Variants in ADGRG7 observed in about 807,000 individuals in gnomAD.
The protein encoded by ADGRG7 is G-protein coupled receptor 128.
ADGRG7 carries 82 observed loss-of-function variants against 88.6 expected under a neutral mutation model. The observed-to-expected ratio is 0.93, with a 90% CI of 0.77 to 1.11. ADGRG7 has a LOEUF of 1.11. Among genes scored for constraint, ADGRG7 ranks in the 50% most tolerant of loss-of-function variants. The probability of loss-of-function intolerance (pLI) is 0.00; values close to 1 mark genes in which losing one functional copy is unlikely to be tolerated. For synonymous variants in ADGRG7, 381 were observed against 345.2 expected, an observed-to-expected ratio of 1.10 and a Z score of -1.15; for missense variants, 945 against 953.4, an observed-to-expected ratio of 0.99 and a Z score of 0.12.
chr3:100,691,320 G>T (rs938409915), intron 15 of ADGRG7, among the ~76,000 whole-genome samples: 1 of 152,148 alleles, frequency 6.6e-6, no homozygotes, highest in Non-Finnish European at 1.5e-5. Context: ...CCCGGGTGAG[G>T]CAATGCCTCG....
intron 15 of ADGRG7, among the ~76,000 whole-genome samples, chr3:100,673,013 A>AT (rs1466518524): frequency 4.0e-5 from 6 of 151,814 alleles, no homozygotes; most frequent in East Asian, 1.9e-4. Flanking sequence ...CTGGCCTGAA[A>AT]TTTTTTTTGT....
chr3:100,611,860 T>G (rs1466377663), intron 1 of ADGRG7, among the ~76,000 whole-genome samples: 1 of 152,228 alleles, frequency 6.6e-6, no homozygotes, highest in Admixed American at 6.5e-5. Context: ...TTCACTTCAC[T>G]CCACTCCACT....
At chr3:100,667,423 A>T (rs1232442753) in intron 14 of ADGRG7, among the ~76,000 whole-genome samples, 1 of 152,100 alleles carries the variant, frequency 6.6e-6, no homozygotes, top group African/African-American at 2.4e-5. Context: ...GAGAACATGC[A>T]GTATTTGTTT....
intron 11 of ADGRG7, 156 bp from the exon 12 acceptor site, chr3:100,654,679 A>G (rs906267558): frequency 4.1e-5 from 23 of 558,618 alleles, no homozygotes; most frequent in Non-Finnish European, 7.2e-5. Flanking sequence ...TTCTGATGTA[A>G]TCGAGAAGGT....
Position 100,694,956 on chromosome 3 carries a change from G to C in ADGRG7, c.2349G>C (p.Glu783Asp). The C allele has an allele frequency of 6.2e-7, 1 of 1,614,104 alleles. No individual in the cohort carries two copies. ...TACTGGAAACCTCTCCGAGTACTGA[G>C]GAAATCACACTCTCTGAAAGTGACA... ...FRLLETSPSTEEITLSESDNA... is the reference protein window; with the variant it reads ...FRLLETSPSTDEITLSESDNA... Residue 783 changes from glutamate (E) to aspartate (D), a missense_variant, in exon 16 of 16, where the codon GAG (glutamate) becomes GAC (aspartate). Transcript: ENST00000273352.
intron 15 of ADGRG7, among the ~76,000 whole-genome samples, chr3:100,689,438 G>T (rs995778544): frequency 6.6e-6 from 1 of 152,128 alleles, no homozygotes; most frequent in Non-Finnish European, 1.5e-5. Context: ...CAGTTATTTT[G>T]CTCGTTAGTT....
At chr3:100,682,850 A>G (rs1221845206) in intron 15 of ADGRG7, among the ~76,000 whole-genome samples, 2 of 152,138 alleles carry the variant, frequency 1.3e-5, no homozygotes, top group African/African-American at 2.4e-5. Flanking sequence ...GTGCAGTTGC[A>G]GTTGCCTTGT....
At chr3:100,635,000 G>GACACACACACACACACAC (rs142620077) in intron 4 of ADGRG7, among the ~76,000 whole-genome samples, 1 of 146,672 alleles carries the variant, frequency 6.8e-6, no homozygotes, top group African/African-American at 2.5e-5. Flanking sequence ...TGAAAACCAA[G>GACACACACACACACACAC]ACACACACAC....
At chr3:100,689,771 T>A (rs2149044029) in intron 15 of ADGRG7, among the ~76,000 whole-genome samples, 1 of 152,350 alleles carries the variant, frequency 6.6e-6, no homozygotes, top group East Asian at 1.9e-4. Flanking sequence ...CTTCCCTTTA[T>A]GGGTAACCCA....
At chr3:100,643,494 CT>C (rs1272295491) in intron 7 of ADGRG7, 31 bp from the exon 8 acceptor site, 2 of 1,602,506 alleles carry the variant, frequency 1.2e-6, no homozygotes, top group Non-Finnish European at 1.7e-6. Flanking sequence ...ATAATGTAGA[CT>C]TTTACAATTC....
intron 15 of ADGRG7, among the ~76,000 whole-genome samples, chr3:100,675,201 T>C (rs2094963493): frequency 6.6e-6 from 1 of 152,236 alleles, no homozygotes; most frequent in African/African-American, 2.4e-5. Flanking sequence ...TTTCAGTTTT[T>C]TTCCCATTCA....
At chr3:100,649,304 A>T (rs939258483) in intron 10 of ADGRG7, among the ~76,000 whole-genome samples, 27 of 152,232 alleles carry the variant, frequency 1.8e-4, no homozygotes, top group African/African-American at 6.0e-4. Flanking sequence ...GGAAAATAAC[A>T]GTATTTTCAG....
At chr3:100,642,315 A>G (rs1358687068) in intron 6 of ADGRG7, among the ~76,000 whole-genome samples, 2 of 152,230 alleles carry the variant, frequency 1.3e-5, no homozygotes, top group Admixed American at 6.5e-5. Flanking sequence ...ATTGCTGAAA[A>G]TGGTTTTATA....
At chr3:100,652,476 G>C (rs1422276943) in intron 11 of ADGRG7, among the ~76,000 whole-genome samples, 2 of 152,104 alleles carry the variant, frequency 1.3e-5, no homozygotes, top group Non-Finnish European at 2.9e-5. Flanking sequence ...AATCCAGAAG[G>C]CTTTAGATGG....
At chr3:100,672,311 T>C (rs1214093977) in intron 15 of ADGRG7, among the ~76,000 whole-genome samples, 2 of 152,236 alleles carry the variant, frequency 1.3e-5, no homozygotes, top group African/African-American at 2.4e-5. Context: ...TTATTCTCTT[T>C]GTACCAATTG....
rs568965710 is a variant in ADGRG7, at chr3:100,669,678, T to G, written c.2136+573T>G. On this transcript the variant is annotated intron_variant, in intron 15 of 15. Transcript: ENST00000273352. ...AATGGGGTACCCATATCCTCAAGCA[T>G]TTACCCTTTCTGTTACAAACAATCA... Among the ~76,000 whole-genome samples, 2 of 152,144 alleles carry G rather than the reference T, an allele frequency of 1.3e-5. 1 individual carries two copies. Among genetic ancestry groups the G allele is most frequent in the East Asian group, 3.9e-4 (2 of 5,180 alleles).
chr3:100,650,663 T>C lies in ADGRG7; in HGVS notation c.1379+856T>C, dbSNP rs544495947. On this transcript the variant is annotated intron_variant, in intron 11 of 15. Coordinates refer to ENST00000273352, the MANE Select transcript of ADGRG7 (RefSeq NM_032787.3). ...TGCGTATCAGTATGTCCCATTATTG[T>C]TGGCTGTAAGTTTGATTCCTCGTTT... 8.7e-4 allele frequency among the ~76,000 whole-genome samples: 132 copies of C among 152,324 alleles called. 1 individual carries two copies. The highest frequency in any genetic ancestry group is 3.1e-3 in the African/African-American group (128 of 41,576).
intron 15 of ADGRG7, among the ~76,000 whole-genome samples, chr3:100,672,704 A>G (rs1341915491): frequency 1.3e-5 from 2 of 152,172 alleles, no homozygotes; most frequent in Non-Finnish European, 2.9e-5. Context: ...TGTCATAAAT[A>G]GCTCTTATTA....
chr3:100,672,845 G>A (rs921480719), intron 15 of ADGRG7, among the ~76,000 whole-genome samples: 4 of 152,162 alleles, frequency 2.6e-5, no homozygotes, highest in Admixed American at 6.5e-5. Context: ...TTCTGTTTAT[G>A]TGATGGATTA....
Sources: allele counts gnomAD v4.1 joint callset (sites outside exome capture counted in the v4.1 genomes callset), GRCh38; gene constraint gnomAD v4.1.1; transcripts MANE v1.5; gene names NCBI Gene and HGNC (gene_info 2026-07-23, HGNC 2026-07-21).